The following RAP1A variants were observed in gnomAD, a reference collection of about 807,000 sequenced individuals.
RAP1A encodes RAP1A, member of RAS oncogene family, also known as ras-related protein Rap-1A.
Under a neutral mutation model 26.4 loss-of-function variants are expected in RAP1A, and 6 were observed. The observed-to-expected ratio is 0.23, with a 90% CI of 0.12 to 0.45. RAP1A has a LOEUF of 0.45. RAP1A is among the 20% of genes least tolerant of loss of function. The probability of loss-of-function intolerance (pLI) is 0.99; values close to 1 mark genes in which losing one functional copy is unlikely to be tolerated. For synonymous variants in RAP1A, 73 were observed against 79.4 expected (o/e 0.92, Z 0.43); for missense variants, 121 against 217.2 (o/e 0.56, Z 2.78).
At chr1:111,698,127 A>G (rs1472424963) in intron 4 of RAP1A, among the ~76,000 whole-genome samples, 2 of 152,184 alleles carry the variant, frequency 1.3e-5, no homozygotes, top group Non-Finnish European at 2.9e-5. Flanking sequence ...CATCACCTTT[A>G]TAATTTTTAT....
intron 1 of RAP1A, among the ~76,000 whole-genome samples, chr1:111,664,389 A>C (rs75815293): frequency 2.5e-4 from 35 of 141,672 alleles, no homozygotes; most frequent in Non-Finnish European, 2.2e-4. Flanking sequence ...AAAAAAAAAA[A>C]AAAAAAAAAC....
At chr1:111,706,248 T>C (rs1020061657) in intron 6 of RAP1A, among the ~76,000 whole-genome samples, 1 of 152,196 alleles carries the variant, frequency 6.6e-6, no homozygotes, top group African/African-American at 2.4e-5. Flanking sequence ...TTTCTTTTAA[T>C]ATTTTTCTCT....
In RAP1A at chr1:111,583,386, C is replaced by G. The variant is rs1035376454; in HGVS notation, c.-28+40877C>G. On this transcript the variant is annotated intron_variant, in intron 1 of 7. Coordinates refer to the RAP1A transcript ENST00000356415. ...TGGGAAAGCTGAGGTAGGAGGATCA[C>G]TTTTAGCCCAGGAGTTCAAGGCTGC... Among the ~76,000 whole-genome samples, 7 of 150,880 alleles carry G rather than the reference C, an allele frequency of 4.6e-5. No homozygotes were observed. In the South Asian group the frequency reaches 8.3e-4, roughly 18 times the overall value.
At position 111,665,307 on chromosome 1, in the gene RAP1A, T is replaced by C. The variant is rs144519985; in HGVS notation, c.-27-26027T>C. 1.7e-4 allele frequency among the ~76,000 whole-genome samples: 26 copies of C among 152,292 alleles called. No individual in the cohort carries two copies. In the East Asian group the frequency reaches 4.6e-3, roughly 27 times the overall value. ...TTCATTAGCTTTGGCATGCTTTAGT[T>C]TTGGTCATATATAGTTTATGTGGCA... On this transcript the variant is annotated intron_variant, in intron 1 of 7. Transcript: ENST00000369709.
intron 1 of RAP1A, among the ~76,000 whole-genome samples, chr1:111,652,851 G>A (rs1660318060): frequency 6.6e-6 from 1 of 151,974 alleles, no homozygotes; most frequent in Admixed American, 6.6e-5. Context: ...GAGATGCAAT[G>A]AAAAAGAATA....
chr1:111,551,761 G>GTTTT lies in RAP1A; in HGVS notation c.-28+9253_-28+9256dup, dbSNP rs1176325796. ...GTGGTTTTTGGTTTTGTTTTGTTTTGTTTTGTTTTTTTGAGATGGAGTCTT... is the reference window on the plus strand; with the variant it reads ...GTGGTTTTTGGTTTTGTTTTGTTTTGTTTTTTTTGTTTTTTTGAGATGGAGTCTT... On this transcript the variant is annotated intron_variant, in intron 1 of 7. Coordinates refer to the RAP1A transcript ENST00000356415. Among the ~76,000 whole-genome samples the GTTTT allele has an allele frequency of 7.9e-4, 24 of 30,288 alleles. No homozygotes were observed. The South Asian group carries it at 0.018, about 23-fold the overall frequency. The allele number at this position is 30,288 out of a possible 152,430, so 19.9% of individuals were successfully genotyped here.
intron 1 of RAP1A, among the ~76,000 whole-genome samples, chr1:111,629,784 C>G (rs1659514513): frequency 6.6e-6 from 1 of 152,098 alleles, no homozygotes; most frequent in Non-Finnish European, 1.5e-5. Context: ...AAGCCCAGAT[C>G]TGGTCAACTG....
chr1:111,648,174 A>AGTGTGT (rs143658994), intron 1 of RAP1A: 9,857 of 230,258 alleles, frequency 0.043, 348 homozygotes, highest in Middle Eastern at 0.059. Flanking sequence ...AGGTTCAAAC[A>AGTGTGT]GTGTGTGTGT....
chr1:111,548,421 A>C (rs1282682378), intron 1 of RAP1A, among the ~76,000 whole-genome samples: 2 of 152,200 alleles, frequency 1.3e-5, no homozygotes, highest in Admixed American at 1.3e-4. Flanking sequence ...TAATCCTTTA[A>C]AGAAATGCTT....
chr1:111,670,961 G>C (rs2101182046), intron 1 of RAP1A, among the ~76,000 whole-genome samples: 1 of 152,268 alleles, frequency 6.6e-6, no homozygotes, highest in African/African-American at 2.4e-5. Context: ...AATATTTGGA[G>C]AGTTACAAAG....
chr1:111,655,786 G>A (rs972814178), intron 1 of RAP1A, among the ~76,000 whole-genome samples: 5 of 144,756 alleles, frequency 3.5e-5, no homozygotes, highest in African/African-American at 5.1e-5. Context: ...GCATTCTCCC[G>A]CCTCAGCCTC....
chr1:111,555,947 C>T (rs1250640204), intron 1 of RAP1A, among the ~76,000 whole-genome samples: 1 of 152,060 alleles, frequency 6.6e-6, no homozygotes, highest in Admixed American at 6.5e-5. Context: ...ATTTGTGCAT[C>T]AAAGGACACT....
intron 1 of RAP1A, among the ~76,000 whole-genome samples, chr1:111,685,225 A>G (rs1046539554): frequency 1.3e-5 from 2 of 152,198 alleles, no homozygotes; most frequent in Non-Finnish European, 1.5e-5. Flanking sequence ...CAAAGTCTTC[A>G]TGGCTAAAAC....
chr1:111,609,482 C>T (rs1048899178), intron 1 of RAP1A, among the ~76,000 whole-genome samples: 14 of 152,132 alleles, frequency 9.2e-5, no homozygotes, highest in African/African-American at 3.1e-4. Flanking sequence ...ACAGAGTCTT[C>T]CATCTTTTTC....
chr1:111,673,004 C>G (rs1170354431), intron 1 of RAP1A, among the ~76,000 whole-genome samples: 3 of 152,112 alleles, frequency 2.0e-5, no homozygotes, highest in African/African-American at 7.2e-5. Flanking sequence ...GCTGGTGAAA[C>G]CTTTGGGTGT....
chr1:111,710,661 A>G (rs1662353918), intron 7 of RAP1A, among the ~76,000 whole-genome samples: 2 of 152,164 alleles, frequency 1.3e-5, no homozygotes, highest in South Asian at 2.1e-4. Flanking sequence ...GAATCTCTCT[A>G]TTAAGGGAAA....
intron 1 of RAP1A, among the ~76,000 whole-genome samples, chr1:111,620,725 G>C (rs1659175875): frequency 6.6e-6 from 1 of 152,132 alleles, no homozygotes. Flanking sequence ...CTTCTTCCCT[G>C]AATTTTGTTA....
intron 1 of RAP1A, among the ~76,000 whole-genome samples, chr1:111,582,453 A>C (rs1430660174): frequency 1.3e-5 from 2 of 152,198 alleles, no homozygotes; most frequent in Admixed American, 1.3e-4. Flanking sequence ...TATTCCAAGC[A>C]CAGAGGTGTC....
intron 1 of RAP1A, among the ~76,000 whole-genome samples, chr1:111,546,126 T>C (rs1414897121): frequency 6.6e-6 from 1 of 152,168 alleles, no homozygotes; most frequent in Non-Finnish European, 1.5e-5. Context: ...ACATGGATTT[T>C]AGGATCTGCT....
Sources: gnomAD v4.1 joint callset for allele counts (sites outside exome capture counted in the v4.1 genomes callset) on GRCh38, gnomAD v4.1.1 for gene constraint, MANE v1.5 for transcripts, NCBI Gene and HGNC (gene_info 2026-07-23, HGNC 2026-07-21) for gene names.